Variants in NCAM2 observed in about 807,000 individuals in gnomAD.
NCAM2 encodes N-CAM-2.
Under a neutral mutation model 98.1 loss-of-function variants are expected in NCAM2, and 30 were observed. The observed-to-expected ratio is 0.31, with a 90% CI of 0.23 to 0.41. The LOEUF is 0.41. NCAM2 is among the 10% of genes least tolerant of loss of function. The probability of loss-of-function intolerance (pLI) is 1.00; values close to 1 mark genes in which losing one functional copy is unlikely to be tolerated. For synonymous variants in NCAM2, 368 were observed against 342.4 expected (o/e 1.07, Z -0.83); for missense variants, 867 against 1,005.8 (o/e 0.86, Z 1.87).
intron 1 of NCAM2, among the ~76,000 whole-genome samples, chr21:21,116,844 G>C (rs1285268213): frequency 6.6e-6 from 1 of 150,672 alleles, no homozygotes; most frequent in East Asian, 1.9e-4. Flanking sequence ...GACAGAGCCA[G>C]ACTCCGTCTC....
chr21:21,262,658 C>CAAAAAAAAAAAAAA (rs33912324), intron 1 of NCAM2, among the ~76,000 whole-genome samples: 2 of 78,952 alleles, frequency 2.5e-5, no homozygotes, highest in African/African-American at 5.1e-5. Flanking sequence ...AACAATCAGT[C>CAAAAAAAAAAAAAA]AAAAAAAAAA....
intron 5 of NCAM2, among the ~76,000 whole-genome samples, chr21:21,315,283 A>G (rs574181782): frequency 2.3e-4 from 35 of 152,324 alleles, no homozygotes; most frequent in Admixed American, 5.9e-4. Context: ...ATCCGATTCA[A>G]TAAGCACAGG....
At chr21:21,348,079 T>C (rs568102877) in intron 8 of NCAM2, among the ~76,000 whole-genome samples, 4 of 152,224 alleles carry the variant, frequency 2.6e-5, no homozygotes, top group African/African-American at 9.6e-5. Context: ...CTGTCACCAC[T>C]GTTATTCAAC....
In NCAM2 at chr21:21,308,616, C is replaced by T. The variant is rs539922659; in HGVS notation, c.620-15767C>T. 6.6e-5 allele frequency among the ~76,000 whole-genome samples: 10 copies of T among 152,172 alleles called. No homozygotes were observed. In the South Asian group the frequency reaches 2.1e-3, roughly 32 times the overall value. On this transcript the variant is annotated intron_variant, in intron 5 of 17. Transcript: ENST00000400546. The stretch of plus-strand genomic sequence containing the variant: ...CCTTGGTGAAGCTTTCTTCATCATA[C>T]TTGTACCCAGGTTTTGGTGATGACC...
intron 9 of NCAM2, among the ~76,000 whole-genome samples, chr21:21,388,794 C>T (rs1297515202): frequency 6.6e-6 from 1 of 152,004 alleles, no homozygotes; most frequent in East Asian, 1.9e-4. Flanking sequence ...AGAGGCTTTC[C>T]CAATACAAAT....
intron 5 of NCAM2, among the ~76,000 whole-genome samples, chr21:21,305,892 T>TC (rs1434774779): frequency 6.6e-6 from 1 of 152,128 alleles, no homozygotes; most frequent in African/African-American, 2.4e-5. Context: ...GCTGAATAAT[T>TC]CCCTATATGT....
intron 9 of NCAM2, among the ~76,000 whole-genome samples, chr21:21,387,897 G>A (rs111431075): frequency 2.7e-3 from 405 of 152,214 alleles, no homozygotes; most frequent in African/African-American, 9.4e-3. Context: ...GAAGAAAAAA[G>A]TAAAACAGTG....
intron 8 of NCAM2, among the ~76,000 whole-genome samples, chr21:21,355,862 G>A (rs1267825503): frequency 1.3e-5 from 2 of 152,044 alleles, no homozygotes; most frequent in East Asian, 2.0e-4. Context: ...ACCCACCTCG[G>A]CCTCCCAAAG....
At chr21:21,137,421 C>T (rs1403819348) in intron 1 of NCAM2, among the ~76,000 whole-genome samples, 2 of 152,134 alleles carry the variant, frequency 1.3e-5, no homozygotes, top group African/African-American at 4.8e-5. Context: ...TATTCTAAAT[C>T]AGGTGAGAGA....
At chr21:21,052,782 T>A (rs1365323530) in intron 1 of NCAM2, among the ~76,000 whole-genome samples, 1 of 152,160 alleles carries the variant, frequency 6.6e-6, no homozygotes, top group Non-Finnish European at 1.5e-5. Flanking sequence ...AGTTAAAAAA[T>A]CAATTATTGC....
At chr21:21,059,913 A>G (rs77726661) in intron 1 of NCAM2, among the ~76,000 whole-genome samples, 2,071 of 152,236 alleles carry the variant, frequency 0.014, 27 homozygotes, top group Middle Eastern at 0.058. Flanking sequence ...ATTCTGGTCT[A>G]GAAGTTAAAG....
intron 9 of NCAM2, among the ~76,000 whole-genome samples, chr21:21,388,894 CACTA>C (rs370634102): frequency 2.7e-3 from 410 of 152,262 alleles, no homozygotes; most frequent in African/African-American, 9.4e-3. Context: ...TAAAATATCT[CACTA>C]ACTATATCTC....
intron 9 of NCAM2, among the ~76,000 whole-genome samples, chr21:21,378,323 A>G (rs2076077595): frequency 6.6e-6 from 1 of 151,718 alleles, no homozygotes; most frequent in Admixed American, 6.6e-5. Flanking sequence ...CTTTTTATCT[A>G]CTTCCTCTTC....
At chr21:21,243,809 G>A (rs570368960) in intron 1 of NCAM2, among the ~76,000 whole-genome samples, 1 of 152,224 alleles carries the variant, frequency 6.6e-6, no homozygotes, top group Admixed American at 6.5e-5. Flanking sequence ...TAGATAGAGG[G>A]TTGTATCGGT....
intron 1 of NCAM2, among the ~76,000 whole-genome samples, chr21:21,041,965 C>T (rs7282007): frequency 0.94 from 143,221 of 152,208 alleles, 67,998 homozygotes; most frequent in East Asian, 1. Context: ...GACACAATAA[C>T]CAATTTGTAA....
intron 1 of NCAM2, among the ~76,000 whole-genome samples, chr21:21,269,342 G>T (rs1183717296): frequency 1.3e-5 from 2 of 152,070 alleles, no homozygotes; most frequent in Non-Finnish European, 2.9e-5. Flanking sequence ...TTTTCAGCCT[G>T]GTGAAATATT....
intron 1 of NCAM2, among the ~76,000 whole-genome samples, chr21:21,087,257 G>A (rs1601328595): frequency 6.6e-6 from 1 of 152,174 alleles, no homozygotes; most frequent in East Asian, 1.9e-4. Context: ...TTCGTCTGTT[G>A]TCTTCTGTAC....
intron 5 of NCAM2, among the ~76,000 whole-genome samples, chr21:21,315,260 A>G (rs8126935): frequency 0.8 from 122,264 of 152,082 alleles, 49,335 homozygotes; most frequent in East Asian, 0.99. Flanking sequence ...ACAAAATCTT[A>G]GCAATGTTTA....
intron 1 of NCAM2, among the ~76,000 whole-genome samples, chr21:21,188,689 A>G (rs1471238464): frequency 1.3e-5 from 2 of 152,198 alleles, no homozygotes; most frequent in Non-Finnish European, 2.9e-5. Flanking sequence ...TAAATTGTAG[A>G]TGACAAAATT....
Sources: gnomAD v4.1 joint callset for allele counts (sites outside exome capture counted in the v4.1 genomes callset) on GRCh38, gnomAD v4.1.1 for gene constraint, MANE v1.5 for transcripts, NCBI Gene and HGNC (gene_info 2026-07-23, HGNC 2026-07-21) for gene names.